Variants in TNRC6C observed in about 807,000 individuals in gnomAD.
The protein encoded by TNRC6C is trinucleotide repeat-containing gene 6C protein.
In TNRC6C, 20 loss-of-function variants were observed where a neutral mutation model predicts 153.7. The observed-to-expected ratio is 0.13, with a 90% CI of 0.09 to 0.19. TNRC6C has a LOEUF of 0.19. TNRC6C is among the 10% of genes least tolerant of loss of function. The pLI is 1.00. For missense variants in TNRC6C, 1,987 were observed against 2,172.0 expected, an observed-to-expected ratio of 0.91 and a Z score of 1.69; for synonymous variants, 811 against 841.4, an observed-to-expected ratio of 0.96 and a Z score of 0.63.
intron 16 of TNRC6C, among the ~76,000 whole-genome samples, chr17:78,094,811 C>G (rs540578437): frequency 1.3e-5 from 2 of 152,354 alleles, no homozygotes; most frequent in East Asian, 3.9e-4. Context: ...AACATAAGTA[C>G]AGATTGCCCT....
chr17:78,022,108 T>C (rs2071845091), intron 1 of TNRC6C, among the ~76,000 whole-genome samples: 1 of 152,230 alleles, frequency 6.6e-6, no homozygotes, highest in Non-Finnish European at 1.5e-5. Context: ...TTGCTGGCCA[T>C]ATATGGTCTC....
chr17:78,097,638 G>A lies in TNRC6C; in HGVS notation c.4307-705G>A, dbSNP rs962705423. On this transcript the variant is annotated intron_variant, in intron 16 of 19. Transcript: ENST00000301624. ...TCATGTTCAGGCTTCTATTAAAAATGGCAGCCTAGGGAGAGGTTGATTCCT... is the reference window on the plus strand; with the variant it reads ...TCATGTTCAGGCTTCTATTAAAAATAGCAGCCTAGGGAGAGGTTGATTCCT... 6 of 686,210 alleles carry A rather than the reference G, an allele frequency of 8.7e-6. No homozygotes were observed. In the African/African-American group the frequency reaches 9.2e-5, roughly 11 times the overall value. The allele number at this position is 686,210 out of a possible 1,614,324, so 42.5% of individuals were successfully genotyped here. A position where few individuals can be genotyped will look rare whatever the true frequency, so the allele number is the denominator to read the frequency against.
intron 1 of TNRC6C, among the ~76,000 whole-genome samples, chr17:78,015,175 T>A (rs867843367): frequency 6.6e-6 from 1 of 152,196 alleles, no homozygotes; most frequent in South Asian, 2.1e-4. Context: ...TTTTTCATTG[T>A]GTGGGGTGTC....
At chr17:78,046,522 C>A (rs1040368327) in intron 2 of TNRC6C, among the ~76,000 whole-genome samples, 6 of 152,198 alleles carry the variant, frequency 3.9e-5, no homozygotes, top group Non-Finnish European at 8.8e-5. Context: ...GTTGTATCTT[C>A]TCCCTGCCTG....
chr17:78,032,104 A>C (rs772291027), intron 2 of TNRC6C, among the ~76,000 whole-genome samples: 13 of 152,220 alleles, frequency 8.5e-5, no homozygotes, highest in African/African-American at 1.4e-4. Flanking sequence ...AGGTCTGTAC[A>C]TTGGTCCATA....
chr17:77,984,275 T>C (rs931182685), intron 1 of TNRC6C, among the ~76,000 whole-genome samples: 1 of 151,612 alleles, frequency 6.6e-6, no homozygotes, highest in South Asian at 2.1e-4. Flanking sequence ...AATCCCAGCA[T>C]TTTGGGAAAC....
intron 2 of TNRC6C, among the ~76,000 whole-genome samples, chr17:78,046,996 T>C (rs577154002): frequency 6.6e-6 from 1 of 151,962 alleles, no homozygotes; most frequent in African/African-American, 2.4e-5. Context: ...GAATGGCACC[T>C]CACATATGGA....
chr17:77,958,733 G>A (rs1396411056), upstream of TNRC6C, among the ~76,000 whole-genome samples: 1 of 151,228 alleles, frequency 6.6e-6, no homozygotes, highest in African/African-American at 2.4e-5. Flanking sequence ...CGCGGTGGCA[G>A]CTCCGCACCT....
chr17:78,088,199 T>G (rs1449914736), intron 13 of TNRC6C, among the ~76,000 whole-genome samples: 2 of 152,216 alleles, frequency 1.3e-5, no homozygotes, highest in East Asian at 3.8e-4. Context: ...ATATCTTTAA[T>G]ATGAGATTGA....
chr17:77,985,420 C>T (rs1034421371), intron 1 of TNRC6C, among the ~76,000 whole-genome samples: 7 of 150,608 alleles, frequency 4.6e-5, no homozygotes, highest in African/African-American at 1.5e-4. Flanking sequence ...GGTGAAACCC[C>T]GTCTCTACTA....
At chr17:77,968,847 T>G (rs1248290750) in intron 1 of TNRC6C, among the ~76,000 whole-genome samples, 1 of 152,350 alleles carries the variant, frequency 6.6e-6, no homozygotes, top group Admixed American at 6.5e-5. Context: ...TTTCTCTTAC[T>G]TTTTATTTGT....
chr17:77,982,356 G>A (rs886619392), intron 1 of TNRC6C, among the ~76,000 whole-genome samples: 2 of 152,002 alleles, frequency 1.3e-5, no homozygotes, highest in East Asian at 3.9e-4. Flanking sequence ...TAGTCACTCA[G>A]AATGTTTTCT....
At chr17:78,053,589 A>G (rs2072582262) in intron 3 of TNRC6C, among the ~76,000 whole-genome samples, 1 of 151,734 alleles carries the variant, frequency 6.6e-6, no homozygotes, top group African/African-American at 2.4e-5. Context: ...AGATGGGGCC[A>G]TTGCACTCCA....
chr17:78,082,274 A>G (rs2073195346), intron 10 of TNRC6C, among the ~76,000 whole-genome samples: 2 of 151,658 alleles, frequency 1.3e-5, no homozygotes, highest in South Asian at 4.2e-4. Context: ...GGGCAGGGGT[A>G]GGTTAGTGAG....
chr17:78,058,727 A>G (rs2072707204), intron 3 of TNRC6C, among the ~76,000 whole-genome samples: 1 of 152,176 alleles, frequency 6.6e-6, no homozygotes, highest in African/African-American at 2.4e-5. Context: ...TTTGCTGCCT[A>G]TTTGCAGCTC....
chr17:78,032,742 G>T (rs2072101227), intron 2 of TNRC6C, among the ~76,000 whole-genome samples: 1 of 152,154 alleles, frequency 6.6e-6, no homozygotes. Flanking sequence ...TTCATGTGCT[G>T]CTTTTTAATA....
At chr17:78,107,111 G>A (rs2073711941) in exon 20 of TNRC6C, 1 of 152,198 alleles carries the variant, frequency 6.6e-6, no homozygotes, top group African/African-American at 2.4e-5. Flanking sequence ...GTGTGCGTGT[G>A]AGCATGCGTG....
At chr17:78,052,234 T>G (rs530138090) in intron 3 of TNRC6C, among the ~76,000 whole-genome samples, 2 of 152,218 alleles carry the variant, frequency 1.3e-5, no homozygotes, top group East Asian at 3.9e-4. Flanking sequence ...GAGGGCTGGC[T>G]AGGAGCAGCA....
chr17:78,033,414 A>C (rs1034206658), intron 2 of TNRC6C, among the ~76,000 whole-genome samples: 1 of 152,234 alleles, frequency 6.6e-6, no homozygotes, highest in South Asian at 2.1e-4. Flanking sequence ...TCACGCCTGT[A>C]ATCCCAGCAC....
Sources: allele counts gnomAD v4.1 joint callset (sites outside exome capture counted in the v4.1 genomes callset), GRCh38; gene constraint gnomAD v4.1.1; transcripts MANE v1.5; gene names NCBI Gene and HGNC (gene_info 2026-07-23, HGNC 2026-07-21).